CFAP54: variants seen among roughly 807,000 people sequenced by gnomAD.
The protein encoded by CFAP54 is cilia and flagella associated protein 54.
Under a neutral mutation model 370.4 loss-of-function variants are expected in CFAP54, and 290 were observed. The observed-to-expected ratio is 0.78, with a 90% confidence interval of 0.71 to 0.86. CFAP54 has a LOEUF of 0.86. Ranked by LOEUF, CFAP54 falls within the 40% of genes least tolerant of loss-of-function variation. The pLI is 0.00. For synonymous variants in CFAP54, 1,206 were observed against 1,236.5 expected, an observed-to-expected ratio of 0.98 and a Z score of 0.52; for missense variants, 3,399 against 3,528.7, an observed-to-expected ratio of 0.96 and a Z score of 0.93.
intron 6 of CFAP54, among the ~76,000 whole-genome samples, 182 bp downstream of exon 6, chr12:96,519,253 C>T (rs1014242604): frequency 6.6e-6 from 1 of 152,088 alleles, no homozygotes; most frequent in Admixed American, 6.6e-5. Context: ...CATGCGCCAC[C>T]ATGCCCGGCT....
At chr12:96,715,165 G>A (rs1957661747) in intron 48 of CFAP54, among the ~76,000 whole-genome samples, 1 of 152,182 alleles carries the variant, frequency 6.6e-6, no homozygotes, top group Non-Finnish European at 1.5e-5. Context: ...AAGGGATGAA[G>A]TAGTTGTCTT....
At chr12:96,754,026 T>G in intron 56 of CFAP54, 128 bp downstream of exon 56, 1 of 807,510 alleles carries the variant, frequency 1.2e-6, no homozygotes, top group African/African-American at 1.7e-5. Flanking sequence ...TTAGAGATGA[T>G]TAACACAATG....
Position 96,623,774 on chromosome 12 carries a change from C to G in CFAP54, c.3779C>G (p.Ser1260Cys). The change falls in exon 28 of 68, where the codon TCT (serine) becomes TGT (cysteine). Residue 1260 changes from serine (S) to cysteine (C), a missense_variant. Around this residue, in one of 3 missense-constraint regions of CFAP54, gnomAD observed 2,796 missense variants for 2,869.7 expected, o/e 0.97. Coordinates refer to ENST00000524981, the MANE Select transcript of CFAP54 (RefSeq NM_001306084.2). Reference sequence around the variant, plus strand: ...TTTAACCAATGTTTTTAGGATTCTTCTAAGAAGTCTTTAAAGACTAAGAAG... The same window carrying G: ...TTTAACCAATGTTTTTAGGATTCTTGTAAGAAGTCTTTAAAGACTAAGAAG... ...EQEEMPEEDS[S>C]KKSLKTKKPQ... The G allele has an allele frequency of 2.6e-6, 4 of 1,514,504 alleles. No homozygotes were observed. Among genetic ancestry groups the G allele is most frequent in the Non-Finnish European group, 3.5e-6 (4 of 1,129,116 alleles). The allele number at this position is 1,514,504 out of a possible 1,614,324, so 93.8% of individuals were successfully genotyped here.
In CFAP54 at chr12:96,536,346, TC is replaced by T. The variant is rs574145774; in HGVS notation, c.1791+747del. Among the ~76,000 whole-genome samples, 29 of 152,336 alleles carry T rather than the reference TC, an allele frequency of 1.9e-4. No individual in the cohort carries two copies. The South Asian group carries it at 3.9e-3, about 21-fold the overall frequency. ...TTCATTTGAAAATTTGGTTATATTGTCATTTTTAAAAAGTATGTAAACCACG... is the reference window on the plus strand; with the variant it reads ...TTCATTTGAAAATTTGGTTATATTGTATTTTTAAAAAGTATGTAAACCACG... On this transcript the variant is annotated intron_variant, in intron 12 of 67. Transcript: ENST00000524981.
intron 55 of CFAP54, among the ~76,000 whole-genome samples, chr12:96,750,453 G>T (rs939102260): frequency 6.6e-6 from 1 of 152,168 alleles, no homozygotes; most frequent in African/African-American, 2.4e-5. Context: ...ATATGTTGAT[G>T]ATCATCATCA....
In CFAP54 at chr12:96,527,330, G is replaced by T; in HGVS notation, c.1243G>T (p.Ala415Ser). The change falls in exon 9 of 68, where the codon GCT becomes TCT. Residue 415 changes from alanine to serine, a missense_variant. Coordinates refer to ENST00000524981, the MANE Select transcript of CFAP54 (RefSeq NM_001306084.2). ...ATCCCAGTTTCTGGCTGTCTTGGAA[G>T]CTCTTTCTGATTCAAATAGGCGAAT... ...TASQFLAVLEALSDSNRRILQ... is the reference protein window; with the variant it reads ...TASQFLAVLESLSDSNRRILQ... 6.5e-7 allele frequency: 1 copy of T among 1,535,848 alleles called. No homozygotes were observed. The highest frequency in any genetic ancestry group is 8.7e-7 in the Non-Finnish European group (1 of 1,146,722).
In CFAP54 at chr12:96,580,651, C is replaced by T. The variant is rs577566993; in HGVS notation, c.2851C>T (p.Arg951Trp). The T allele has an allele frequency of 1.6e-5, 24 of 1,526,736 alleles. No individual in the cohort carries two copies. The highest frequency in any genetic ancestry group is 6.1e-5 in the South Asian group (5 of 82,414). 94.6% of individuals were successfully genotyped at this position (1,526,736 alleles called of 1,614,324 possible). A position where few individuals can be genotyped will look rare whatever the true frequency, so the allele number is the denominator to read the frequency against. The change falls in exon 21 of 68, where the codon CGG becomes TGG. Residue 951 changes from arginine to tryptophan, a missense_variant. Around this residue, in one of 3 missense-constraint regions of CFAP54, gnomAD observed 2,796 missense variants for 2,869.7 expected, o/e 0.97. Coordinates refer to ENST00000524981, the MANE Select transcript of CFAP54 (RefSeq NM_001306084.2). ...CKAEGSYGKV[R>W]LNNNHLPNSG... ...AGCAGAAGGAAGTTATGGAAAAGTA[C>T]GGCTAAACAATAATCATCTCCCAAA...
intron 60 of CFAP54, among the ~76,000 whole-genome samples, chr12:96,776,420 A>G (rs1023719386): frequency 1.3e-5 from 2 of 152,184 alleles, no homozygotes; most frequent in Non-Finnish European, 2.9e-5. Context: ...AAGAATAGTA[A>G]TAAACTCATT....
chr12:96,769,688 CAG>C (rs770056966), intron 60 of CFAP54, among the ~76,000 whole-genome samples: 2 of 152,140 alleles, frequency 1.3e-5, no homozygotes, highest in Non-Finnish European at 1.5e-5. Context: ...AGTAGTGGCT[CAG>C]AGCCAAATGA....
At chr12:96,614,246 G>C (rs559402377) in intron 26 of CFAP54, among the ~76,000 whole-genome samples, 1 of 152,222 alleles carries the variant, frequency 6.6e-6, no homozygotes, top group East Asian at 1.9e-4. Flanking sequence ...CATATAAATA[G>C]AACCAAAGAC....
intron 24 of CFAP54, among the ~76,000 whole-genome samples, chr12:96,592,841 CTCT>C (rs1956140426): frequency 6.6e-6 from 1 of 152,106 alleles, no homozygotes; most frequent in Admixed American, 6.5e-5. Context: ...TTCAATTTAT[CTCT>C]TTTCCCCCTG....
At chr12:96,799,173 G>C (rs1958796102) in intron 63 of CFAP54, among the ~76,000 whole-genome samples, 1 of 152,168 alleles carries the variant, frequency 6.6e-6, no homozygotes, top group South Asian at 2.1e-4. Flanking sequence ...ACTGGAGATT[G>C]AACAGTAATT....
chr12:96,790,374 T>G (rs1224777086), intron 62 of CFAP54, among the ~76,000 whole-genome samples: 1 of 152,106 alleles, frequency 6.6e-6, no homozygotes, highest in Non-Finnish European at 1.5e-5. Context: ...ACTCAGTGTA[T>G]AATTCATCAA....
intron 60 of CFAP54, among the ~76,000 whole-genome samples, chr12:96,775,225 C>T (rs112665160): frequency 0.085 from 12,929 of 152,030 alleles, 725 homozygotes; most frequent in Admixed American, 0.14. Flanking sequence ...GTCAGGAGTT[C>T]GAGATCAGCC....
At chr12:96,633,385 C>T (rs947522583) in intron 32 of CFAP54, among the ~76,000 whole-genome samples, 2 of 152,186 alleles carry the variant, frequency 1.3e-5, no homozygotes, top group Non-Finnish European at 2.9e-5. Flanking sequence ...AGCTGTACAA[C>T]TATAGTACAA....
intron 4 of CFAP54, among the ~76,000 whole-genome samples, chr12:96,507,941 C>T (rs1955125011): frequency 6.6e-6 from 1 of 152,080 alleles, no homozygotes; most frequent in South Asian, 2.1e-4. Context: ...TGATCATCCT[C>T]CAGAGATTCG....
chr12:96,799,954 T>C (rs979221100), intron 63 of CFAP54, among the ~76,000 whole-genome samples: 1 of 152,166 alleles, frequency 6.6e-6, no homozygotes, highest in African/African-American at 2.4e-5. Flanking sequence ...CTTAGGTTGG[T>C]CTTCAGCATA....
chr12:96,608,083 C>G (rs986510571), intron 26 of CFAP54, among the ~76,000 whole-genome samples: 14 of 152,060 alleles, frequency 9.2e-5, no homozygotes, highest in Non-Finnish European at 2.1e-4. Context: ...AGCAATGAAT[C>G]TTGCAATATA....
intron 33 of CFAP54, chr12:96,646,105 C>G (rs1956787060): frequency 6.6e-6 from 1 of 152,110 alleles, no homozygotes; most frequent in South Asian, 2.1e-4. Context: ...CAAATGGGAT[C>G]TAATTAAACT....
Sources: gnomAD v4.1 joint callset for allele counts (sites outside exome capture counted in the v4.1 genomes callset) on GRCh38, gnomAD v4.1.1 for gene constraint, gnomAD v4.1.1 regional missense constraint, MANE v1.5 for transcripts, NCBI Gene and HGNC (gene_info 2026-07-23, HGNC 2026-07-21) for gene names.